Variants in RTN4IP1 observed in about 807,000 individuals in gnomAD.
RTN4IP1 encodes reticulon 4 interacting protein 1.
A neutral mutation model predicts 46.6 loss-of-function variants in RTN4IP1; 32 were observed. That is an observed-to-expected ratio of 0.69 (90% CI 0.52 to 0.92). RTN4IP1 has a LOEUF of 0.92. RTN4IP1 is among the 40% of genes least tolerant of loss of function. The pLI is 0.00. For missense variants in RTN4IP1, 424 were observed against 485.8 expected, an observed-to-expected ratio of 0.87 and a Z score of 1.20; for synonymous variants, 167 against 161.8, an observed-to-expected ratio of 1.03 and a Z score of -0.24.
At chr6:106,584,242 A>G (rs1775433123) in intron 7 of RTN4IP1, among the ~76,000 whole-genome samples, 2 of 152,160 alleles carry the variant, frequency 1.3e-5, no homozygotes, top group African/African-American at 4.8e-5. Context: ...CCTGGCTGTA[A>G]TTGTTATTCT....
At chr6:106,600,076 A>C (rs1775903795) in intron 5 of RTN4IP1, among the ~76,000 whole-genome samples, 1 of 152,064 alleles carries the variant, frequency 6.6e-6, no homozygotes, top group Admixed American at 6.6e-5. Flanking sequence ...TAAAGTGTGC[A>C]TCCCAGGAAT....
chr6:106,616,207 G>A (rs1033180952), intron 4 of RTN4IP1, among the ~76,000 whole-genome samples: 2 of 152,294 alleles, frequency 1.3e-5, no homozygotes, highest in South Asian at 2.1e-4. Flanking sequence ...ATGAGCCGCC[G>A]CGCCTGGCCT....
intron 4 of RTN4IP1, 147 bp from the exon 5 acceptor site, chr6:106,603,069 A>G: frequency 1.8e-6 from 1 of 545,542 alleles, no homozygotes; most frequent in Non-Finnish European, 3.1e-6. Flanking sequence ...TATATTACAC[A>G]AGGATTTTTA....
chr6:106,602,417 G>A (rs973672283), intron 5 of RTN4IP1, among the ~76,000 whole-genome samples: 1 of 151,978 alleles, frequency 6.6e-6, no homozygotes, highest in African/African-American at 2.4e-5. Flanking sequence ...TCTACATTTT[G>A]CAGGCTTTTT....
Position 106,572,080 on chromosome 6 carries a change from G to T in RTN4IP1, c.1107C>A (p.Thr369=), listed in dbSNP as rs1242806981. The change falls in exon 9 of 9, where the codon ACC becomes ACA. Residue 369 remains threonine (T), a synonymous_variant. Coordinates refer to ENST00000369063, the MANE Select transcript of RTN4IP1 (RefSeq NM_032730.5). Reference sequence around the variant, plus strand: ...CTTCTGGAACTTTAGAAAAAGGAAAGGTTTGTTCAATAACTGGCCGGATCT... The same window carrying T: ...CTTCTGGAACTTTAGAAAAAGGAAATGTTTGTTCAATAACTGGCCGGATCT... ...AGKIRPVIEQ[T]FPFSKVPEAF... is the part of the protein sequence containing the mutation. The T allele has an allele frequency of 6.2e-7, 1 of 1,614,024 alleles. No homozygotes were observed.
intron 8 of RTN4IP1, among the ~76,000 whole-genome samples, chr6:106,573,086 G>A (rs894703874): frequency 3.3e-5 from 5 of 152,202 alleles, no homozygotes; most frequent in African/African-American, 1.2e-4. Flanking sequence ...AGTCATTCCA[G>A]CCAGCTCATA....
rs1470969232 is a variant in RTN4IP1, at chr6:106,627,135, G to A, written c.274+1613C>T. Among the ~76,000 whole-genome samples the A allele has an allele frequency of 1.1e-4, 3 of 27,502 alleles. No individual in the cohort carries two copies. In the Admixed American group the frequency reaches 1.5e-3, roughly 14 times the overall value. 18.0% of individuals were successfully genotyped at this position (27,502 alleles called of 152,430 possible). ...CAATGACAATAAATATCCTCAAAAG[G>A]TAGGAGAAAAAAAAAAAGAGGATAA... On this transcript the variant is annotated intron_variant, in intron 1 of 8. Transcript: ENST00000369063.
chr6:106,579,948 C>T (rs997243921), intron 8 of RTN4IP1, among the ~76,000 whole-genome samples: 3 of 151,856 alleles, frequency 2.0e-5, no homozygotes, highest in Non-Finnish European at 4.4e-5. Flanking sequence ...GGCGCAGTGG[C>T]TCACGCCTGT....
In RTN4IP1 at chr6:106,570,989, T is replaced by C. The variant is rs1730040648; in HGVS notation, c.*1007A>G. 1 of 152,210 alleles carries C rather than the reference T, an allele frequency of 6.6e-6. No individual in the cohort carries two copies. The highest frequency in any genetic ancestry group is 1.5e-5 in the Non-Finnish European group (1 of 68,042). 9.4% of individuals were successfully genotyped at this position (152,210 alleles called of 1,614,324 possible). ...GTAAATGAATATTCGAAGTGCACAC[T>C]GCAATGGGTTGATTGGAGAGATATC... On this transcript the variant is annotated 3_prime_UTR_variant, in exon 9 of 9. Coordinates refer to ENST00000369063, the MANE Select transcript of RTN4IP1 (RefSeq NM_032730.5).
At chr6:106,576,316 C>A (rs1405959179) in intron 8 of RTN4IP1, among the ~76,000 whole-genome samples, 3 of 152,142 alleles carry the variant, frequency 2.0e-5, no homozygotes, top group Non-Finnish European at 4.4e-5. Flanking sequence ...GCATCAAGGA[C>A]TTGTCCCTAG....
At chr6:106,589,251 AAGG>A (rs57339024) in intron 6 of RTN4IP1, among the ~76,000 whole-genome samples, 2 of 2,332 alleles carry the variant, frequency 8.6e-4, no homozygotes, top group East Asian at 0.012. Flanking sequence ...GGAGGAGGAG[AAGG>A]AGGAGGAGAA....
At chr6:106,577,170 C>T (rs1775249392) in intron 8 of RTN4IP1, among the ~76,000 whole-genome samples, 1 of 152,090 alleles carries the variant, frequency 6.6e-6, no homozygotes, top group Non-Finnish European at 1.5e-5. Context: ...TGCAGTGGCT[C>T]ACACCTATAA....
chr6:106,594,380 A>C (rs1215435786), intron 5 of RTN4IP1, among the ~76,000 whole-genome samples: 2 of 152,036 alleles, frequency 1.3e-5, no homozygotes, highest in Non-Finnish European at 2.9e-5. Context: ...CTGGTGATGC[A>C]TGCCTGTGGT....
chr6:106,615,560 C>T lies in RTN4IP1; in HGVS notation c.620+3642G>A, dbSNP rs199712936. Among the ~76,000 whole-genome samples the T allele has an allele frequency of 9.9e-5, 15 of 152,110 alleles. 1 individual carries two copies. In the East Asian group the frequency reaches 1.5e-3, roughly 16 times the overall value. Reference sequence around the variant, plus strand: ...CATGATCTCAGCTCACTGTAACCTCCGCCTCCCGTGTTCAAGCAATCCTCC... The same window carrying T: ...CATGATCTCAGCTCACTGTAACCTCTGCCTCCCGTGTTCAAGCAATCCTCC... On this transcript the variant is annotated intron_variant, in intron 4 of 8. Coordinates refer to ENST00000369063, the MANE Select transcript of RTN4IP1 (RefSeq NM_032730.5).
At chr6:106,614,112 C>A (rs1776292583) in intron 4 of RTN4IP1, among the ~76,000 whole-genome samples, 1 of 152,140 alleles carries the variant, frequency 6.6e-6, no homozygotes, top group South Asian at 2.1e-4. Context: ...TTAACCTTGC[C>A]AAAATAAACT....
At chr6:106,613,734 G>T (rs182443929) in intron 4 of RTN4IP1, among the ~76,000 whole-genome samples, 174 of 152,162 alleles carry the variant, frequency 1.1e-3, no homozygotes, top group Non-Finnish European at 1.9e-3. Flanking sequence ...TTATACCCCT[G>T]CAGCATTAAC....
rs1582399628 is a variant in RTN4IP1, at chr6:106,629,082, C to T, written c.-61G>A. 1.3e-6 allele frequency: 2 copies of T among 1,505,646 alleles called. No homozygotes were observed. Among genetic ancestry groups the T allele is most frequent in the South Asian group, 1.2e-5 (1 of 80,140 alleles). 93.3% of individuals were successfully genotyped at this position (1,505,646 alleles called of 1,614,324 possible). A position where few individuals can be genotyped will look rare whatever the true frequency, so the allele number is the denominator to read the frequency against. ...ATACACTTGGACTGGATCAAACTCT[C>T]ACCCCTGAATTCAGTCAAATTCTGC... On this transcript the variant is annotated 5_prime_UTR_variant, in exon 1 of 9. Transcript: ENST00000369063.
chr6:106,576,294 C>T (rs1360244343), intron 8 of RTN4IP1, among the ~76,000 whole-genome samples: 1 of 152,112 alleles, frequency 6.6e-6, no homozygotes, highest in African/African-American at 2.4e-5. Context: ...AGTAAGTGTG[C>T]CATTTGGGAA....
chr6:106,592,921 C>T (rs1775699129), intron 5 of RTN4IP1, among the ~76,000 whole-genome samples: 1 of 148,756 alleles, frequency 6.7e-6, no homozygotes, highest in South Asian at 2.1e-4. Context: ...AAGAGTGAGA[C>T]TTCATCTCAA....
Sources: gnomAD v4.1 joint callset for allele counts (sites outside exome capture counted in the v4.1 genomes callset) on GRCh38, gnomAD v4.1.1 for gene constraint, MANE v1.5 for transcripts, NCBI Gene and HGNC (gene_info 2026-07-23, HGNC 2026-07-21) for gene names.